UXS1: variants seen among roughly 807,000 people sequenced by gnomAD.
UXS1 encodes UDP-glucuronate decarboxylase 1, also known as UDP-glucuronic acid decarboxylase 1.
A neutral mutation model predicts 62.6 loss-of-function variants in UXS1; 33 were observed. The observed-to-expected ratio is 0.53, with a 90% CI of 0.40 to 0.70. The LOEUF (loss-of-function observed/expected upper bound fraction) is 0.70. Among genes scored for constraint, UXS1 ranks in the 30% least tolerant of loss-of-function variants. The probability of loss-of-function intolerance (pLI) is 0.00; values close to 1 mark genes in which losing one functional copy is unlikely to be tolerated. For synonymous variants in UXS1, 213 were observed against 206.8 expected, an observed-to-expected ratio of 1.03 and a Z score of -0.26; for missense variants, 434 against 556.3, an observed-to-expected ratio of 0.78 and a Z score of 2.21.
chr2:106,145,483 G>C, intron 5 of UXS1, 113 bp from the exon 6 acceptor site: 2 of 1,335,776 alleles, frequency 1.5e-6, no homozygotes, highest in Middle Eastern at 2.6e-4. Flanking sequence ...AAACTCAGGA[G>C]CAAGGCGGGG....
At chr2:106,146,775 A>AAT (rs1681611227) in intron 5 of UXS1, among the ~76,000 whole-genome samples, 1 of 122,802 alleles carries the variant, frequency 8.1e-6, no homozygotes, top group Admixed American at 9.9e-5. Context: ...TCCATCTCAA[A>AAT]AAAAAAAAAA....
chr2:106,101,033 A>G, intron 12 of UXS1, 25 bp downstream of exon 12: 2 of 1,613,884 alleles, frequency 1.2e-6, no homozygotes, highest in Non-Finnish European at 1.7e-6. Context: ...GCTGTCCTGC[A>G]GAGTGGAGGG....
intron 6 of UXS1, among the ~76,000 whole-genome samples, chr2:106,130,891 G>C (rs1024876193): frequency 6.6e-6 from 1 of 151,738 alleles, no homozygotes; most frequent in African/African-American, 2.4e-5. Flanking sequence ...AGCCAAGTCT[G>C]GGGGGGAGGA....
intron 1 of UXS1, among the ~76,000 whole-genome samples, chr2:106,188,501 G>C (rs1239853108): frequency 1.3e-5 from 2 of 152,166 alleles, no homozygotes; most frequent in African/African-American, 2.4e-5. Flanking sequence ...AAGACAGGTG[G>C]CTCCATCTCT....
intron 12 of UXS1, among the ~76,000 whole-genome samples, chr2:106,099,948 ATGCATGGTC>A (rs1677455963): frequency 6.6e-6 from 1 of 152,204 alleles, no homozygotes. Context: ...TCAGGGAAAA[ATGCATGGTC>A]TGCAATGTAT....
chr2:106,178,462 A>C (rs1684029439), intron 1 of UXS1, among the ~76,000 whole-genome samples: 1 of 151,992 alleles, frequency 6.6e-6, no homozygotes, highest in Non-Finnish European at 1.5e-5. Flanking sequence ...ATGTGTGTGT[A>C]TATACATACA....
intron 8 of UXS1, 112 bp downstream of exon 8, chr2:106,125,508 G>A: frequency 9.7e-7 from 1 of 1,029,854 alleles, no homozygotes; most frequent in South Asian, 3.2e-5. Flanking sequence ...GTGCACAAGA[G>A]GAGCATGGGC....
rs183480080 is a variant in UXS1 at position 106,190,315 on chromosome 2, T to C, written c.94+3833A>G. Among the ~76,000 whole-genome samples the C allele has an allele frequency of 4.1e-4, 62 of 152,058 alleles. 1 individual carries two copies. In the East Asian group the frequency reaches 9.1e-3, roughly 22 times the overall value. On this transcript the variant is annotated intron_variant, in intron 1 of 14. Transcript: ENST00000283148. Reference sequence around the variant, plus strand: ...CATCTATATAGGAGGGTGGAGAGCATGTACAGGGGCAAAGAGAAGAAAAAA... The same window carrying C: ...CATCTATATAGGAGGGTGGAGAGCACGTACAGGGGCAAAGAGAAGAAAAAA...
At position 106,104,779 on chromosome 2, in the gene UXS1, G is replaced by GCAGGA. The variant is rs1282105889; in HGVS notation, c.923+10_923+14dup. On this transcript the variant is annotated intron_variant, in intron 11 of 14. Transcript: ENST00000283148. ...AAAGCACTGCTAAGGCTGGGGCAGG[G>GCAGGA]CAGGACAGTCTTACCTGACGTACTG... 6.2e-6 allele frequency: 10 copies of GCAGGA among 1,613,820 alleles called. No homozygotes were observed. The highest frequency in any genetic ancestry group is 8.5e-6 in the Non-Finnish European group (10 of 1,179,888).
intron 6 of UXS1, among the ~76,000 whole-genome samples, chr2:106,141,829 T>A (rs1359756341): frequency 6.6e-6 from 1 of 150,596 alleles, no homozygotes; most frequent in Admixed American, 6.6e-5. Flanking sequence ...GGAAAAAAAA[T>A]CACATTTAGG....
At chr2:106,190,665 C>T (rs544589299) in intron 1 of UXS1, among the ~76,000 whole-genome samples, 35 of 150,236 alleles carry the variant, frequency 2.3e-4, no homozygotes, top group African/African-American at 7.6e-4. Flanking sequence ...ATCGCTTGAA[C>T]CCAAGAGGCC....
chr2:106,172,381 A>C (rs1683620355), intron 1 of UXS1, among the ~76,000 whole-genome samples: 2 of 152,246 alleles, frequency 1.3e-5, no homozygotes, highest in Non-Finnish European at 2.9e-5. Context: ...AAGAAAAGGC[A>C]TGCCCCAAAA....
chr2:106,108,499 C>T (rs1678286010), intron 10 of UXS1, among the ~76,000 whole-genome samples: 1 of 152,182 alleles, frequency 6.6e-6, no homozygotes, highest in African/African-American at 2.4e-5. Context: ...ATGAGTATCA[C>T]AGGGATCTGG....
intron 5 of UXS1, among the ~76,000 whole-genome samples, chr2:106,153,200 T>G (rs886917326): frequency 1.3e-5 from 2 of 152,082 alleles, no homozygotes; most frequent in Non-Finnish European, 2.9e-5. Context: ...TCAGAACAAA[T>G]CTCAAAGACT....
At chr2:106,142,008 C>T (rs1348944034) in intron 6 of UXS1, among the ~76,000 whole-genome samples, 1 of 151,850 alleles carries the variant, frequency 6.6e-6, no homozygotes, top group Non-Finnish European at 1.5e-5. Context: ...ATAGCTGCGA[C>T]CACAGACATG....
intron 14 of UXS1, 64 bp from the exon 15 acceptor site, chr2:106,094,221 G>T: frequency 6.2e-7 from 1 of 1,603,324 alleles, no homozygotes; most frequent in East Asian, 2.3e-5. Context: ...TCGCAGGAAG[G>T]AAGTGCCACC....
chr2:106,154,032 GAGGAAATGC>G (rs1470812850), intron 5 of UXS1, among the ~76,000 whole-genome samples: 1 of 152,182 alleles, frequency 6.6e-6, no homozygotes, highest in African/African-American at 2.4e-5. Flanking sequence ...CCAAAGATCA[GAGGAAATGC>G]AGGAAACTAA....
intron 5 of UXS1, among the ~76,000 whole-genome samples, chr2:106,151,475 C>T (rs965325518): frequency 6.6e-6 from 1 of 152,036 alleles, no homozygotes; most frequent in South Asian, 2.1e-4. Flanking sequence ...GAGTTAGGTC[C>T]CCTTTGTCTC....
At position 106,187,206 on chromosome 2, in the gene UXS1, T is replaced by A. The variant is rs1416345832; in HGVS notation, c.94+6942A>T. ...AATCTGAAAGGAAATTTTGAAAATG[T>A]TGAAAATTCACAATTTCCAGCTTGT... On this transcript the variant is annotated intron_variant, in intron 1 of 14. Coordinates refer to ENST00000283148, the MANE Select transcript of UXS1 (RefSeq NM_001253875.2). 8.5e-5 allele frequency among the ~76,000 whole-genome samples: 13 copies of A among 152,200 alleles called. 1 individual carries two copies. The highest frequency in any genetic ancestry group is 1.6e-4 in the Non-Finnish European group (11 of 68,040).
Sources: gnomAD v4.1 joint callset for allele counts (sites outside exome capture counted in the v4.1 genomes callset) on GRCh38, gnomAD v4.1.1 for gene constraint, MANE v1.5 for transcripts, NCBI Gene and HGNC (gene_info 2026-07-23, HGNC 2026-07-21) for gene names.